PTPDC1: variants seen among roughly 807,000 people sequenced by gnomAD.
PTPDC1 encodes protein tyrosine phosphatase domain containing 1, also known as protein tyrosine phosphatase domain-containing protein 1.
PTPDC1 carries 53 observed loss-of-function variants against 75.3 expected under a neutral mutation model. The ratio of observed to expected loss-of-function variants is 0.70; its 90% CI spans 0.56 to 0.88. The LOEUF (loss-of-function observed/expected upper bound fraction) is 0.88. Ranked by LOEUF, PTPDC1 falls within the 40% of genes least tolerant of loss-of-function variation. The probability of loss-of-function intolerance (pLI) is 0.00; values close to 1 mark genes in which losing one functional copy is unlikely to be tolerated. For synonymous variants in PTPDC1, 349 were observed against 366.2 expected (o/e 0.95, Z 0.54); for missense variants, 925 against 998.6 (o/e 0.93, Z 0.99).
chr9:94,049,671 T>C (rs1171193912), intron 1 of PTPDC1, among the ~76,000 whole-genome samples: 6 of 152,188 alleles, frequency 3.9e-5, no homozygotes, highest in Non-Finnish European at 5.9e-5. Context: ...TCAACTTTGG[T>C]GAATCTGACA....
In PTPDC1 at chr9:94,108,573, G is replaced by A. The variant is rs1828102493; in HGVS notation, c.*629G>A. The A allele has an allele frequency of 1.3e-5, 2 of 152,326 alleles. No individual in the cohort carries two copies. The highest frequency in any genetic ancestry group is 4.1e-4 in the South Asian group (2 of 4,832). 9.4% of individuals were successfully genotyped at this position (152,326 alleles called of 1,614,324 possible). A position where few individuals can be genotyped will look rare whatever the true frequency, so the allele number is the denominator to read the frequency against. ...AGTTTTACTTTAATGGAGTGACTGT[G>A]AAGTGGTTGGGATTTTTTGCTTGTA... On this transcript the variant is annotated 3_prime_UTR_variant, in exon 9 of 9. Transcript: ENST00000620992.
chr9:94,106,339 A>C (rs1260605503), intron 8 of PTPDC1, among the ~76,000 whole-genome samples: 1 of 152,208 alleles, frequency 6.6e-6, no homozygotes. Flanking sequence ...CAGAAGGCAC[A>C]CGTTCTGACT....
At position 94,044,545 on chromosome 9, in the gene PTPDC1, T is replaced by C. The variant is rs75575082; in HGVS notation, c.-7+13418T>C. ...CAGTTCCCATTTATAAGTGAGAACA[T>C]GTGGCCTGCATCAGTTTGCTGAGGA... On this transcript the variant is annotated intron_variant, in intron 1 of 9. Coordinates refer to the PTPDC1 transcript ENST00000375360. Among the ~76,000 whole-genome samples the C allele has an allele frequency of 1.3e-3, 201 of 152,260 alleles. 1 individual carries two copies. Among genetic ancestry groups the C allele is most frequent in the African/African-American group, 4.7e-3 (194 of 41,528 alleles).
upstream of PTPDC1, among the ~76,000 whole-genome samples, chr9:94,079,689 T>G (rs1386718607): frequency 6.6e-6 from 1 of 152,162 alleles, no homozygotes; most frequent in Non-Finnish European, 1.5e-5. Context: ...TAAAGATAGT[T>G]TTGTAGGGGG....
At chr9:94,068,449 A>G (rs1826394776) in intron 2 of PTPDC1, among the ~76,000 whole-genome samples, 1 of 151,840 alleles carries the variant, frequency 6.6e-6, no homozygotes, top group African/African-American at 2.4e-5. Context: ...CTGTTTCCTC[A>G]TGATAAGACT....
At chr9:94,032,721 C>T (rs1829750610) in intron 1 of PTPDC1, among the ~76,000 whole-genome samples, 1 of 152,176 alleles carries the variant, frequency 6.6e-6, no homozygotes, top group East Asian at 1.9e-4. Flanking sequence ...GGGTCTCACT[C>T]TGTCGCCCAG....
rs899619676 is a variant in PTPDC1 at position 94,108,433 on chromosome 9, T to C, written c.*489T>C. ...GTTTTATATTTGTTACGAAGAAGGCTATTGCTACAATATTTTTAAAGGTTT... is the reference window on the plus strand; with the variant it reads ...GTTTTATATTTGTTACGAAGAAGGCCATTGCTACAATATTTTTAAAGGTTT... On this transcript the variant is annotated 3_prime_UTR_variant, in exon 9 of 9. Coordinates refer to ENST00000620992, the MANE Select transcript of PTPDC1 (RefSeq NM_001253829.2). The C allele has an allele frequency of 6.5e-6, 1 of 152,702 alleles. No homozygotes were observed. The highest frequency in any genetic ancestry group is 2.4e-5 in the African/African-American group (1 of 41,468). 9.5% of individuals were successfully genotyped at this position (152,702 alleles called of 1,614,324 possible).
intron 1 of PTPDC1, among the ~76,000 whole-genome samples, chr9:94,032,647 C>G (rs1440296656): frequency 6.6e-6 from 1 of 152,182 alleles, no homozygotes; most frequent in African/African-American, 2.4e-5. Flanking sequence ...TCCTTGAAAA[C>G]TAGGTTCAAG....
intron 1 of PTPDC1, among the ~76,000 whole-genome samples, chr9:94,052,970 A>G (rs557379555): frequency 6.6e-6 from 1 of 152,336 alleles, no homozygotes. Flanking sequence ...AAGGATGGGA[A>G]ATATAGAAAC....
chr9:94,078,084 T>C (rs375600709), intron 2 of PTPDC1, among the ~76,000 whole-genome samples: 2 of 152,222 alleles, frequency 1.3e-5, no homozygotes, highest in African/African-American at 4.8e-5. Context: ...TTCATATAAA[T>C]ACATACTGTC....
intron 1 of PTPDC1, among the ~76,000 whole-genome samples, chr9:94,036,692 G>C (rs529908265): frequency 1.3e-5 from 2 of 152,326 alleles, no homozygotes; most frequent in South Asian, 4.1e-4. Flanking sequence ...GGATGAGTAA[G>C]TATCAATCTC....
chr9:94,053,197 C>T (rs1825834994), intron 1 of PTPDC1, among the ~76,000 whole-genome samples: 1 of 151,946 alleles, frequency 6.6e-6, no homozygotes, highest in South Asian at 2.1e-4. Flanking sequence ...TCACAGAAGC[C>T]AGTGAAGGTA....
chr9:94,031,830 G>A lies in PTPDC1; in HGVS notation c.-7+703G>A, dbSNP rs527909399. The stretch of plus-strand genomic sequence containing the variant: ...AGGTTGAGAAACACTGCTTTAGGGA[G>A]GTGGATAAGCAGATGATCCTGCGAT... On this transcript the variant is annotated intron_variant, in intron 1 of 9. Coordinates refer to the PTPDC1 transcript ENST00000375360. Among the ~76,000 whole-genome samples the A allele has an allele frequency of 3.9e-5, 6 of 152,272 alleles. No homozygotes were observed. In the East Asian group the frequency reaches 1.2e-3, roughly 29 times the overall value.
At chr9:94,041,778 A>G (rs1288089289) in intron 1 of PTPDC1, among the ~76,000 whole-genome samples, 1 of 152,120 alleles carries the variant, frequency 6.6e-6, no homozygotes, top group African/African-American at 2.4e-5. Context: ...CTCATCTTGT[A>G]TATTCCCTGC....
At chr9:94,063,497 G>T (rs1219805830) in intron 1 of PTPDC1, among the ~76,000 whole-genome samples, 1 of 152,136 alleles carries the variant, frequency 6.6e-6, no homozygotes, top group Non-Finnish European at 1.5e-5. Flanking sequence ...GATACCTGGT[G>T]TGTGACATTA....
At chr9:94,045,709 A>G (rs189381341) in intron 1 of PTPDC1, among the ~76,000 whole-genome samples, 2,088 of 152,102 alleles carry the variant, frequency 0.014, 49 homozygotes, top group African/African-American at 0.047. Flanking sequence ...TTTTCTTATA[A>G]ATTTGTTTGA....
intron 1 of PTPDC1, among the ~76,000 whole-genome samples, chr9:94,039,041 A>G (rs1380900957): frequency 6.6e-6 from 1 of 152,240 alleles, no homozygotes; most frequent in Non-Finnish European, 1.5e-5. Flanking sequence ...AAACTAAGTT[A>G]TAATTTAGGA....
intron 1 of PTPDC1, among the ~76,000 whole-genome samples, chr9:94,034,057 C>T (rs1829777889): frequency 6.6e-6 from 1 of 151,954 alleles, no homozygotes; most frequent in Non-Finnish European, 1.5e-5. Flanking sequence ...AGATAGTAAG[C>T]AAATAAAGTA....
At chr9:94,073,897 C>T (rs1207402162) in intron 2 of PTPDC1, among the ~76,000 whole-genome samples, 3 of 151,788 alleles carry the variant, frequency 2.0e-5, no homozygotes, top group Non-Finnish European at 4.4e-5. Context: ...GGAGTTTTTC[C>T]TGCTGTCTTT....
Sources: gnomAD v4.1 joint callset for allele counts (sites outside exome capture counted in the v4.1 genomes callset) on GRCh38, gnomAD v4.1.1 for gene constraint, MANE v1.5 for transcripts, NCBI Gene and HGNC (gene_info 2026-07-23, HGNC 2026-07-21) for gene names.